Variants in TLL1 observed in about 807,000 individuals in gnomAD.
The protein encoded by TLL1 is tolloid like 1.
A neutral mutation model predicts 128.2 loss-of-function variants in TLL1; 49 were observed. The observed-to-expected ratio is 0.38, with a 90% CI of 0.30 to 0.48. The LOEUF (loss-of-function observed/expected upper bound fraction) is 0.48. Among genes scored for constraint, TLL1 ranks in the 20% least tolerant of loss-of-function variants. TLL1 has a pLI of 0.96. For missense variants in TLL1, 1,123 were observed against 1,242.0 expected (o/e 0.90, Z 1.44); for synonymous variants, 454 against 418.8 (o/e 1.08, Z -1.03).
chr4:166,006,129 T>C (rs1737414903), intron 6 of TLL1, among the ~76,000 whole-genome samples: 1 of 151,802 alleles, frequency 6.6e-6, no homozygotes, highest in Non-Finnish European at 1.5e-5. Context: ...AGCACAAACT[T>C]TGGCCTCACA....
chr4:166,029,323 A>G (rs1042758848), intron 9 of TLL1, among the ~76,000 whole-genome samples: 13 of 152,002 alleles, frequency 8.6e-5, no homozygotes, highest in African/African-American at 2.4e-4. Context: ...CAATTCAAAA[A>G]AGGATCTTAA....
At chr4:165,912,215 G>A (rs1238387196) in intron 1 of TLL1, among the ~76,000 whole-genome samples, 1 of 152,118 alleles carries the variant, frequency 6.6e-6, no homozygotes, top group African/African-American at 2.4e-5. Flanking sequence ...AAGCACTGTT[G>A]CCTTGTTCAA....
At chr4:165,944,238 G>T (rs1172335778) in intron 1 of TLL1, among the ~76,000 whole-genome samples, 2 of 152,050 alleles carry the variant, frequency 1.3e-5, no homozygotes, top group Non-Finnish European at 1.5e-5. Context: ...TGACCTACAT[G>T]GTAGACTTTG....
rs142842987 is a variant in TLL1, at chr4:166,084,487, T to C, written c.2442+6457T>C. On this transcript the variant is annotated intron_variant, in intron 18 of 20. Transcript: ENST00000061240. ...ACCAATGTCATGGAACTTTTCCCTA[T>C]GTTTTCCTCTAGTAGTTTCATAGTT... Among the ~76,000 whole-genome samples the C allele has an allele frequency of 4.9e-3, 745 of 152,260 alleles. 7 individuals are homozygous for C. The highest frequency in any genetic ancestry group is 0.017 in the African/African-American group (704 of 41,584).
chr4:165,994,954 A>G (rs1736799978), intron 4 of TLL1, 107 bp from the exon 5 acceptor site: 8 of 825,298 alleles, frequency 9.7e-6, no homozygotes, highest in Non-Finnish European at 1.6e-5. Flanking sequence ...GGTTGATGAT[A>G]GTGGTGGCAT....
At chr4:166,020,197 GTT>G (rs10597583) in intron 8 of TLL1, among the ~76,000 whole-genome samples, 2,129 of 152,254 alleles carry the variant, frequency 0.014, 51 homozygotes, top group African/African-American at 0.048. Context: ...GGTTGAATAG[GTT>G]TCTGGACACT....
rs1448640864 is a variant in TLL1, at chr4:165,882,929, T to C, written c.169+8856T>C. On this transcript the variant is annotated intron_variant, in intron 1 of 20. Coordinates refer to ENST00000061240, the MANE Select transcript of TLL1 (RefSeq NM_012464.5). ...GCTGGGTGAACTCCTGACCAAGAGT[T>C]AACACACAGAAAGAAGATACGTGTT... Among the ~76,000 whole-genome samples the C allele has an allele frequency of 2.0e-5, 3 of 152,052 alleles. No homozygotes were observed. In the East Asian group the frequency reaches 5.8e-4, roughly 30 times the overall value.
At chr4:165,971,625 G>A (rs554919042) in intron 1 of TLL1, among the ~76,000 whole-genome samples, 5 of 152,318 alleles carry the variant, frequency 3.3e-5, no homozygotes, top group South Asian at 2.1e-4. Flanking sequence ...GTCCAGAAAC[G>A]TGGGGGATGA....
At chr4:166,021,598 A>G (rs966457616) in intron 8 of TLL1, among the ~76,000 whole-genome samples, 1 of 151,938 alleles carries the variant, frequency 6.6e-6, no homozygotes, top group Non-Finnish European at 1.5e-5. Context: ...ATGCCCGGCT[A>G]AATTTTGTAT....
At chr4:165,982,588 A>G (rs963295921) in intron 1 of TLL1, among the ~76,000 whole-genome samples, 6 of 149,086 alleles carry the variant, frequency 4.0e-5, no homozygotes, top group Non-Finnish European at 7.4e-5. Flanking sequence ...TTTACAAAGA[A>G]TAATAATAAC....
intron 1 of TLL1, among the ~76,000 whole-genome samples, chr4:165,919,400 A>G (rs532165985): frequency 0.016 from 2,443 of 150,720 alleles, 68 homozygotes; most frequent in African/African-American, 0.056. Flanking sequence ...AAAAAAAAAA[A>G]GAATAAACAA....
At chr4:166,046,169 G>T (rs2111098455) in intron 12 of TLL1, among the ~76,000 whole-genome samples, 1 of 152,284 alleles carries the variant, frequency 6.6e-6, no homozygotes, top group South Asian at 2.1e-4. Flanking sequence ...TGAGAAAAAT[G>T]GATGGATGGA....
chr4:166,047,366 A>G (rs903383582), intron 12 of TLL1, among the ~76,000 whole-genome samples: 2 of 151,554 alleles, frequency 1.3e-5, no homozygotes, highest in South Asian at 4.1e-4. Flanking sequence ...GGGTTTCACC[A>G]TGTTAGCCAG....
At chr4:165,919,351 C>G (rs1053054790) in intron 1 of TLL1, among the ~76,000 whole-genome samples, 4 of 149,048 alleles carry the variant, frequency 2.7e-5, no homozygotes, top group Admixed American at 2.7e-4. Context: ...CCACTGCACT[C>G]CAGCCTGGGT....
At chr4:165,891,013 C>T (rs1022542493) in intron 1 of TLL1, among the ~76,000 whole-genome samples, 2 of 152,168 alleles carry the variant, frequency 1.3e-5, no homozygotes, top group African/African-American at 4.8e-5. Context: ...CTGTGCACCC[C>T]CAGGCACACC....
chr4:165,923,243 A>C (rs1733114743), intron 1 of TLL1, among the ~76,000 whole-genome samples: 2 of 151,658 alleles, frequency 1.3e-5, no homozygotes, highest in Non-Finnish European at 2.9e-5. Context: ...CCACAGCAAA[A>C]TTTTTTTCAG....
rs752714445 is a variant in TLL1 at position 166,100,789 on chromosome 4, C to A, written c.2955C>A (p.Phe985Leu). Reference protein sequence around the residue: ...YSIGDSVLIHFHTDDTINKKG... With the variant: ...YSIGDSVLIHLHTDDTINKKG... ...TTGGAGATTCAGTTTTAATTCATTT[C>A]CACACTGATGACACAATCAACAAGA... Residue 985 changes from phenylalanine (F) to leucine (L), a missense_variant, in exon 21 of 21, where the codon TTC (phenylalanine) becomes TTA (leucine). Around this residue, in one of 3 missense-constraint regions of TLL1, gnomAD observed 634 missense variants for 672.4 expected, o/e 0.94. Transcript: ENST00000061240. The A allele has an allele frequency of 6.2e-7, 1 of 1,613,062 alleles. No homozygotes were observed. The highest frequency in any genetic ancestry group is 8.5e-7 in the Non-Finnish European group (1 of 1,179,372).
intron 16 of TLL1, among the ~76,000 whole-genome samples, chr4:166,069,745 G>A (rs963368181): frequency 6.6e-6 from 1 of 151,676 alleles, no homozygotes; most frequent in Admixed American, 6.6e-5. Flanking sequence ...TCAGTTCCAT[G>A]CTCATAAAAT....
chr4:165,955,424 T>G (rs1257636527), intron 1 of TLL1, among the ~76,000 whole-genome samples: 1 of 151,880 alleles, frequency 6.6e-6, no homozygotes, highest in Non-Finnish European at 1.5e-5. Flanking sequence ...AACATGAAAA[T>G]TCAGTAAATT....
Sources: allele counts gnomAD v4.1 joint callset (sites outside exome capture counted in the v4.1 genomes callset), GRCh38; gene constraint gnomAD v4.1.1; regional missense constraint gnomAD v4.1.1; transcripts MANE v1.5; gene names NCBI Gene and HGNC (gene_info 2026-07-23, HGNC 2026-07-21).